CEP170B: variants seen among roughly 807,000 people sequenced by gnomAD.
The protein encoded by CEP170B is centrosomal protein of 170 kDa protein B.
CEP170B carries 55 observed loss-of-function variants against 120.6 expected under a neutral mutation model. The observed-to-expected ratio is 0.46, with a 90% confidence interval of 0.37 to 0.57. CEP170B has a LOEUF of 0.57. Among genes scored for constraint, CEP170B ranks in the 20% least tolerant of loss-of-function variants. The probability of loss-of-function intolerance (pLI) is 0.00; values close to 1 mark genes in which losing one functional copy is unlikely to be tolerated. For missense variants in CEP170B, 2,212 were observed against 2,253.3 expected (o/e 0.98, Z 0.37); for synonymous variants, 1,033 against 954.5 (o/e 1.08, Z -1.52).
intron 14 of CEP170B, 81 bp from the exon 15 acceptor site, chr14:104,893,442 C>T (rs866312555): frequency 4.1e-5 from 61 of 1,497,454 alleles, no homozygotes; most frequent in African/African-American, 5.5e-5. Flanking sequence ...GTCCACCTGC[C>T]GGGCCGGAGC....
At position 104,867,075 on chromosome 14, in the gene CEP170B, C is replaced by T. The variant is rs1046400497; in HGVS notation, c.-27-1349C>T. The stretch of plus-strand genomic sequence containing the variant: ...CGCATGTGGCATCTTGCTCAGCTCT[C>T]CTTCTCAGTTTTTGAATAAGGGTAC... On this transcript the variant is annotated intron_variant, in intron 1 of 18. Coordinates refer to ENST00000414716, the MANE Select transcript of CEP170B (RefSeq NM_001112726.3). This position sits in a 1 kb window ranked among gnomAD's most constrained non-coding sequence, Gnocchi z 5.4. Among the ~76,000 whole-genome samples, 4 of 152,202 alleles carry T rather than the reference C, an allele frequency of 2.6e-5. No individual in the cohort carries two copies. Among genetic ancestry groups the T allele is most frequent in the African/African-American group, 9.7e-5 (4 of 41,446 alleles).
intron 12 of CEP170B, among the ~76,000 whole-genome samples, chr14:104,889,026 A>G (rs1896658678): frequency 6.6e-6 from 1 of 152,108 alleles, no homozygotes; most frequent in African/African-American, 2.4e-5. Flanking sequence ...GGAGGCCAGG[A>G]CTCTGCCCAG....
At chr14:104,877,848 A>T in intron 3 of CEP170B, 37 bp from the exon 4 acceptor site, 1 of 273,374 alleles carries the variant, frequency 3.7e-6, no homozygotes, top group Non-Finnish European at 5.9e-6. Context: ...CCACCCGCGC[A>T]GCTCCCCCCC....
chr14:104,884,206 T>C lies in CEP170B; in HGVS notation c.1427T>C (p.Leu476Pro). The change falls in exon 9 of 19, where the codon CTG becomes CCG. Residue 476 changes from leucine to proline, a missense_variant. By Grantham distance (98) the Leu-to-Pro change is moderately conservative. Around this residue, in one of 2 missense-constraint regions of CEP170B, gnomAD observed 2,166 missense variants for 2,166.7 expected, o/e 1.00. Coordinates refer to ENST00000414716, the MANE Select transcript of CEP170B (RefSeq NM_001112726.3). ...AAGCGGGAGAAGACAGAGGAACGGCTGGGCAGCCCCTCGCCCGCCTCCCGA... is the reference window on the plus strand; with the variant it reads ...AAGCGGGAGAAGACAGAGGAACGGCCGGGCAGCCCCTCGCCCGCCTCCCGA... Reference protein sequence around the residue: ...SLKREKTEERLGSPSPASRTP... With the variant: ...SLKREKTEERPGSPSPASRTP... 7 of 1,544,198 alleles carry C rather than the reference T, an allele frequency of 4.5e-6. No homozygotes were observed. The highest frequency in any genetic ancestry group is 6.1e-6 in the Non-Finnish European group (7 of 1,147,592).
At chr14:104,892,078 G>A (rs913758746) in intron 13 of CEP170B, among the ~76,000 whole-genome samples, 3 of 152,162 alleles carry the variant, frequency 2.0e-5, no homozygotes, top group Admixed American at 6.5e-5. Flanking sequence ...GCCAGTGTGG[G>A]GGCCGAGGAG....
rs771170910 is a variant in CEP170B, at chr14:104,887,352, G to A, written c.3113G>A (p.Arg1038Gln). 19 of 1,611,608 alleles carry A rather than the reference G, an allele frequency of 1.2e-5. No homozygotes were observed. Among genetic ancestry groups the A allele is most frequent in the South Asian group, 1.1e-5 (1 of 90,994 alleles). ...RSAIRRGHRP[R>Q]GSLDWPSEER... ...GCCATAAGGCGTGGCCACAGGCCCC[G>A]AGGGTCCCTGGATTGGCCCAGTGAG... Residue 1038 changes from arginine to glutamine, a missense_variant, in exon 12 of 19, where the codon CGA (arginine) becomes CAA (glutamine). By Grantham distance (43) the Arg-to-Gln change is conservative (BLOSUM62 1). Coordinates refer to ENST00000414716, the MANE Select transcript of CEP170B (RefSeq NM_001112726.3).
chr14:104,876,740 G>C (rs1482714949), intron 3 of CEP170B, among the ~76,000 whole-genome samples: 3 of 152,260 alleles, frequency 2.0e-5, no homozygotes, highest in Non-Finnish European at 4.4e-5. Context: ...CTGCAGATGG[G>C]AAGGGAAGCA....
At position 104,887,376 on chromosome 14, in the gene CEP170B, A is replaced by C. The variant is rs1461495226; in HGVS notation, c.3137A>C (p.Glu1046Ala). The stretch of plus-strand genomic sequence containing the variant: ...CGAGGGTCCCTGGATTGGCCCAGTG[A>C]GGAGCGTGGCCCTGTCCTCGCCCAC... ...RPRGSLDWPS[E>A]ERGPVLAHLP... Residue 1046 changes from glutamate (E) to alanine (A), a missense_variant, in exon 12 of 19, where the codon GAG (glutamate) becomes GCG (alanine). Glu to Ala is a moderately radical substitution (Grantham distance 107, BLOSUM62 -1). Coordinates refer to ENST00000414716, the MANE Select transcript of CEP170B (RefSeq NM_001112726.3). The C allele has an allele frequency of 2.5e-6, 4 of 1,612,006 alleles. No homozygotes were observed. The highest frequency in any genetic ancestry group is 3.4e-6 in the Non-Finnish European group (4 of 1,179,680).
intron 4 of CEP170B, 86 bp downstream of exon 4, chr14:104,878,049 G>A: frequency 8.8e-7 from 1 of 1,133,298 alleles, no homozygotes; most frequent in Non-Finnish European, 1.3e-6. Context: ...AAGCAGGGCT[G>A]TCACTGCTGG....
upstream of CEP170B, chr14:104,865,198 C>CGGGCGGGGGCG (rs1895137293): frequency 7.5e-5 from 1 of 13,400 alleles, no homozygotes; most frequent in South Asian, 1.6e-3. The surrounding 1 kb of genome is among the most constrained non-coding windows in gnomAD (Gnocchi z 6.7). Context: ...GCGGCGCGGC[C>CGGGCGGGGGCG]GGGCGGGGGC....
chr14:104,888,611 G>A (rs1057278350), intron 12 of CEP170B, among the ~76,000 whole-genome samples: 1 of 152,246 alleles, frequency 6.6e-6, no homozygotes, highest in African/African-American at 2.4e-5. Context: ...CCGGACATCC[G>A]CGTCTGCAGA....
Position 104,886,022 on chromosome 14 carries a change from C to T in CEP170B, c.1945-18C>T, listed in dbSNP as rs569219865. On this transcript the variant is annotated intron_variant, in intron 10 of 18. Transcript: ENST00000414716. ...GTTGGGCTTGCGTGTGGAAACACTC[C>T]CACCCTCCTCTCCACAGGGCCTCCC... The T allele has an allele frequency of 3.4e-4, 515 of 1,521,508 alleles. No homozygotes were observed. The highest frequency in any genetic ancestry group is 1.5e-3 in the Middle Eastern group (9 of 5,864). 94.3% of individuals were successfully genotyped at this position (1,521,508 alleles called of 1,614,324 possible).
At position 104,872,482 on chromosome 14, in the gene CEP170B, T is replaced by TGTGTGTGTGG. The variant is rs1566852794; in HGVS notation, c.106-3769_106-3768insTGTGGGTGTG. On this transcript the variant is annotated intron_variant, in intron 2 of 18. Coordinates refer to ENST00000414716, the MANE Select transcript of CEP170B (RefSeq NM_001112726.3). ...CGTGTGGGTGTGCCGTGTGTGTGCG[T>TGTGTGTGTGG]GTGTGCCGTGTGTGTGTGCGTGTGT... Among the ~76,000 whole-genome samples, 5 of 106,116 alleles carry TGTGTGTGTGG rather than the reference T, an allele frequency of 4.7e-5. 1 individual carries two copies. The East Asian group carries it at 1.1e-3, about 23-fold the overall frequency. The allele number at this position is 106,116 out of a possible 152,430, so 69.6% of individuals were successfully genotyped here.
chr14:104,873,305 G>A (rs1415030624), intron 2 of CEP170B, among the ~76,000 whole-genome samples: 2 of 151,442 alleles, frequency 1.3e-5, no homozygotes, highest in Non-Finnish European at 2.9e-5. Flanking sequence ...CGGGTGGGGT[G>A]GGGAAGGTGG....
At chr14:104,883,536 G>C in intron 8 of CEP170B, 28 bp downstream of exon 8, 1 of 1,513,150 alleles carries the variant, frequency 6.6e-7, no homozygotes, top group Non-Finnish European at 8.9e-7. Flanking sequence ...GGCCGTGCCA[G>C]TCCCGGGACA....
At position 104,868,212 on chromosome 14, in the gene CEP170B, A is replaced by G. The variant is rs1895287261; in HGVS notation, c.-27-212A>G. On this transcript the variant is annotated intron_variant, in intron 1 of 18. Transcript: ENST00000414716. This position sits in a 1 kb window ranked among gnomAD's most constrained non-coding sequence, Gnocchi z 5.9. ...GCAGCCTTTGCCAGGGATGGACGTG[A>G]TGGGAAAGGCCGGTCACGAGGGCAA... Among the ~76,000 whole-genome samples the G allele has an allele frequency of 6.6e-6, 1 of 151,996 alleles. No homozygotes were observed. The highest frequency in any genetic ancestry group is 6.5e-5 in the Admixed American group (1 of 15,272).
intron 2 of CEP170B, 38 bp from the exon 3 acceptor site, chr14:104,876,218 C>T (rs933940688): frequency 6.5e-7 from 1 of 1,547,396 alleles, no homozygotes; most frequent in East Asian, 2.4e-5. Flanking sequence ...TCACCTCCTC[C>T]CCTGGAGCAC....
chr14:104,893,059 C>T lies in CEP170B; in HGVS notation c.3962C>T (p.Ser1321Phe). The T allele has an allele frequency of 6.2e-7, 1 of 1,600,138 alleles. No individual in the cohort carries two copies. The highest frequency in any genetic ancestry group is 2.3e-5 in the East Asian group (1 of 44,110). Residue 1321 changes from serine (S) to phenylalanine (F), a missense_variant, in exon 14 of 19, where the codon TCC becomes TTC. Physicochemically the swap from Ser to Phe is radical, Grantham distance 155 (BLOSUM62 -2). This residue lies in a region of CEP170B where 2,166 missense variants were observed against 2,166.7 expected (regional missense o/e 1.00). Coordinates refer to ENST00000414716, the MANE Select transcript of CEP170B (RefSeq NM_001112726.3). ...GCTGGGGACGGTGACACACTGGGCTCCTCGGAGCCTGCCCACAGCGCCTCC... is the reference window on the plus strand; with the variant it reads ...GCTGGGGACGGTGACACACTGGGCTTCTCGGAGCCTGCCCACAGCGCCTCC... ...DVAGDGDTLGSSEPAHSASLS... is the reference protein window; with the variant it reads ...DVAGDGDTLGFSEPAHSASLS...
intron 3 of CEP170B, among the ~76,000 whole-genome samples, chr14:104,877,111 C>G (rs1202934618): frequency 6.6e-6 from 1 of 152,126 alleles, no homozygotes; most frequent in African/African-American, 2.4e-5. Context: ...AGCAGCCCCT[C>G]AGCAGCCCCT....
Sources: gnomAD v4.1 joint callset for allele counts (sites outside exome capture counted in the v4.1 genomes callset) on GRCh38, gnomAD v4.1.1 for gene constraint, gnomAD v4.1.1 regional missense constraint, Gnocchi (gnomAD v3.1) non-coding constraint, MANE v1.5 for transcripts, NCBI Gene and HGNC (gene_info 2026-07-23, HGNC 2026-07-21) for gene names.